Variants in FER1L5 observed in about 807,000 individuals in gnomAD.
FER1L5 encodes the protein fer-1-like protein 5.
In FER1L5, 187 loss-of-function variants were observed where a neutral mutation model predicts 279.9. That is an observed-to-expected ratio of 0.67 (90% CI 0.59 to 0.75). The LOEUF (loss-of-function observed/expected upper bound fraction) is 0.75. FER1L5 is among the 30% of genes least tolerant of loss of function. The probability of loss-of-function intolerance (pLI) is 0.00; values close to 1 mark genes in which losing one functional copy is unlikely to be tolerated. For missense variants in FER1L5, 2,091 were observed against 2,594.4 expected (o/e 0.81, Z 4.21); for synonymous variants, 921 against 989.7 (o/e 0.93, Z 1.30).
rs1027123880 is a variant in FER1L5 at position 96,689,472 on chromosome 2, C to G, written c.2525+96C>G. 13 of 1,517,414 alleles carry G rather than the reference C, an allele frequency of 8.6e-6. No individual in the cohort carries two copies. The African/African-American group carries it at 1.3e-4, about 15-fold the overall frequency. The allele number at this position is 1,517,414 out of a possible 1,614,324, so 94.0% of individuals were successfully genotyped here. On this transcript the variant is annotated intron_variant, in intron 25 of 52. Coordinates refer to ENST00000624922, the MANE Select transcript of FER1L5 (RefSeq NM_001293083.2). This position sits in a 1 kb window ranked among gnomAD's most constrained non-coding sequence, Gnocchi z 4.6. ...GAAAGATGGGTACCTAGCCCCTAAG[C>G]CTGGTGCCAGAGGGCCGAGGTGCAC...
intron 23 of FER1L5, 62 bp from the exon 24 acceptor site, chr2:96,687,754 G>A: frequency 6.5e-7 from 1 of 1,539,068 alleles, no homozygotes; most frequent in Non-Finnish European, 8.8e-7. Flanking sequence ...CACTTGGGGG[G>A]TGGCCGGGGT....
At chr2:96,654,970 A>T (rs1321934497) in intron 9 of FER1L5, 1 of 152,080 alleles carries the variant, frequency 6.6e-6, no homozygotes, top group African/African-American at 2.4e-5. Flanking sequence ...TGACTTAAAC[A>T]AGTTATTCTG....
intron 1 of FER1L5, among the ~76,000 whole-genome samples, chr2:96,644,261 G>A (rs538932906): frequency 1.3e-4 from 20 of 151,468 alleles, no homozygotes; most frequent in Admixed American, 1.3e-3. Flanking sequence ...GGCGGATCAC[G>A]AGGTCAGGAG....
In FER1L5 at chr2:96,702,371, G is replaced by A; in HGVS notation, c.5225G>A (p.Arg1742Lys). 6.2e-7 allele frequency: 1 copy of A among 1,612,920 alleles called. No individual in the cohort carries two copies. The highest frequency in any genetic ancestry group is 8.5e-7 in the Non-Finnish European group (1 of 1,179,552). Residue 1742 changes from arginine to lysine, a missense_variant, in exon 47 of 53, where the codon AGA (arginine) becomes AAA (lysine). Physicochemically the swap from Arg to Lys is conservative, Grantham distance 26. Transcript: ENST00000624922. The surrounding 1 kb of genome is among the most constrained non-coding windows in gnomAD (Gnocchi z 4.0). ...GACCTGGTGGATGACAATTTAAGTA[G>A]AGAGAAGACGAGCGACATCTACATC... is the stretch of plus-strand genomic sequence containing the variant. ...NVDLVDDNLS[R>K]EKTSDIYIKG...
intron 44 of FER1L5, 37 bp from the exon 45 acceptor site, chr2:96,700,295 C>G: frequency 6.2e-7 from 1 of 1,608,658 alleles, no homozygotes; most frequent in South Asian, 1.1e-5. Context: ...AGGCTAATGA[C>G]CTCGCAATCC....
rs1263378254 is a variant in FER1L5 at position 96,686,190 on chromosome 2, G to C, written c.2074-5G>C. ...GCAGGGCCTGACATTCTCCCACCTC[G>C]GCAGCCCCAGATGGGCCTCCCTGAC... On this transcript the variant is annotated splice_region_variant and splice_polypyrimidine_tract_variant and intron_variant, in intron 22 of 52. Transcript: ENST00000624922. 3 of 1,549,726 alleles carry C rather than the reference G, an allele frequency of 1.9e-6. No homozygotes were observed. Among genetic ancestry groups the C allele is most frequent in the Non-Finnish European group, 8.7e-7 (1 of 1,145,670 alleles).
At chr2:96,650,797 G>C (rs916817900) in intron 6 of FER1L5, among the ~76,000 whole-genome samples, 1 of 152,140 alleles carries the variant, frequency 6.6e-6, no homozygotes, top group Non-Finnish European at 1.5e-5. Context: ...CTGCTCCCCA[G>C]CCTGCTCCTC....
At chr2:96,665,136 G>A (rs1359467566) in intron 14 of FER1L5, among the ~76,000 whole-genome samples, 1 of 152,186 alleles carries the variant, frequency 6.6e-6, no homozygotes, top group Non-Finnish European at 1.5e-5. Context: ...AGAGCAGTGT[G>A]TAAAATAAGA....
At position 96,701,971 on chromosome 2, in the gene FER1L5, G is replaced by T. The variant is rs771790611; in HGVS notation, c.5087G>T (p.Trp1696Leu). ...PGIDQGKVQM[W>L]VDIFPKKLGP... ...CGGCTCTAGGGAAAGGTGCAAATGTGGGTGGACATCTTCCCCAAGAAGCTG... is the reference window on the plus strand; with the variant it reads ...CGGCTCTAGGGAAAGGTGCAAATGTTGGTGGACATCTTCCCCAAGAAGCTG... The change falls in exon 46 of 53, where the codon TGG (tryptophan) becomes TTG (leucine). Residue 1696 changes from tryptophan (W) to leucine (L), a missense_variant. Coordinates refer to ENST00000624922, the MANE Select transcript of FER1L5 (RefSeq NM_001293083.2). 2 of 1,613,938 alleles carry T rather than the reference G, an allele frequency of 1.2e-6. No homozygotes were observed. Among genetic ancestry groups the T allele is most frequent in the Non-Finnish European group, 1.7e-6 (2 of 1,179,876 alleles).
intron 14 of FER1L5, 118 bp from the exon 15 acceptor site, chr2:96,668,633 T>C (rs910293849): frequency 8.3e-6 from 10 of 1,208,884 alleles, no homozygotes; most frequent in African/African-American, 3.0e-5. Context: ...AGTGGCTCAC[T>C]GGTAACTGAG....
intron 34 of FER1L5, 117 bp from the exon 35 acceptor site, chr2:96,695,392 C>G (rs2077331889): frequency 3.0e-6 from 4 of 1,335,738 alleles, no homozygotes; most frequent in Non-Finnish European, 4.0e-6. Context: ...GCCCCATTCC[C>G]TGGCCCTGCA....
intron 39 of FER1L5, 113 bp from the exon 40 acceptor site, chr2:96,697,924 C>T: frequency 1.4e-6 from 2 of 1,477,962 alleles, no homozygotes; most frequent in Non-Finnish European, 1.8e-6. Flanking sequence ...AGTGCTGGCC[C>T]CAGGGCCGCT....
Position 96,694,136 on chromosome 2 carries a change from A to T in FER1L5, c.3636+64A>T, listed in dbSNP as rs1156891188. ...CAGTGCCCCTCCCCGTCCCACCCCC[A>T]GCCAGCGGGGGCCAACTCCACCCTG... is the stretch of plus-strand genomic sequence containing the variant. On this transcript the variant is annotated intron_variant, in intron 33 of 52. Transcript: ENST00000624922. The surrounding 1 kb of genome is among the most constrained non-coding windows in gnomAD (Gnocchi z 4.6). 2.0e-6 allele frequency: 3 copies of T among 1,482,632 alleles called. No homozygotes were observed. The highest frequency in any genetic ancestry group is 2.7e-6 in the Non-Finnish European group (3 of 1,117,792). The allele number at this position is 1,482,632 out of a possible 1,614,324, so 91.8% of individuals were successfully genotyped here. A position where few individuals can be genotyped will look rare whatever the true frequency, so the allele number is the denominator to read the frequency against.
In FER1L5 at chr2:96,691,689, C is replaced by A; in HGVS notation, c.3075+77C>A. Reference sequence around the variant, plus strand: ...AAGCCAGGGCCTGGCCTGGCTGGGGCGCTGACTGCGGAGGAAGGGCCTCTG... The same window carrying A: ...AAGCCAGGGCCTGGCCTGGCTGGGGAGCTGACTGCGGAGGAAGGGCCTCTG... On this transcript the variant is annotated intron_variant, in intron 29 of 52. Transcript: ENST00000624922. This position sits in a 1 kb window ranked among gnomAD's most constrained non-coding sequence, Gnocchi z 6.0. 6.5e-7 allele frequency: 1 copy of A among 1,532,310 alleles called. No individual in the cohort carries two copies. Among genetic ancestry groups the A allele is most frequent in the Non-Finnish European group, 8.8e-7 (1 of 1,136,572 alleles). 94.9% of individuals were successfully genotyped at this position (1,532,310 alleles called of 1,614,324 possible).
intron 7 of FER1L5, chr2:96,653,381 A>G (rs1001392994): frequency 2.9e-5 from 14 of 477,594 alleles, no homozygotes; most frequent in Non-Finnish European, 4.5e-5. Flanking sequence ...AGCATTCGTA[A>G]TAATGAAAAT....
chr2:96,699,743 G>A (rs2077522499), intron 43 of FER1L5, 23 bp downstream of exon 43: 2 of 1,612,554 alleles, frequency 1.2e-6, no homozygotes, highest in Admixed American at 3.3e-5. Context: ...CCGTCTGGGG[G>A]AAGGGAGTCA....
At chr2:96,660,798 C>G (rs2075925515) in intron 10 of FER1L5, among the ~76,000 whole-genome samples, 1 of 152,250 alleles carries the variant, frequency 6.6e-6, no homozygotes, top group African/African-American at 2.4e-5. Context: ...AGGTGATCCA[C>G]CCGCTTCAGC....
chr2:96,650,054 T>TGGGGCATGG (rs1386844198), intron 5 of FER1L5, 126 bp from the exon 6 acceptor site: 2 of 724,934 alleles, frequency 2.8e-6, no homozygotes, highest in African/African-American at 3.5e-5. Flanking sequence ...ATGTCACTGT[T>TGGGGCATGG]GGGGCCTCTT....
Position 96,688,034 on chromosome 2 carries a change from C to T in FER1L5, c.2361+87C>T, listed in dbSNP as rs2076998440. ...TCGTAGGGAAGAGATGGCCTCCCTGCAGGGGATTTGGCGTGAGAAGGGAGG... is the reference window on the plus strand; with the variant it reads ...TCGTAGGGAAGAGATGGCCTCCCTGTAGGGGATTTGGCGTGAGAAGGGAGG... On this transcript the variant is annotated intron_variant, in intron 24 of 52. Coordinates refer to ENST00000624922, the MANE Select transcript of FER1L5 (RefSeq NM_001293083.2). The T allele has an allele frequency of 2.3e-5, 34 of 1,507,682 alleles. No individual in the cohort carries two copies. In the South Asian group the frequency reaches 3.2e-4, roughly 14 times the overall value. The allele number at this position is 1,507,682 out of a possible 1,614,324, so 93.4% of individuals were successfully genotyped here.
Sources: gnomAD v4.1 joint callset for allele counts (sites outside exome capture counted in the v4.1 genomes callset) on GRCh38, gnomAD v4.1.1 for gene constraint, Gnocchi (gnomAD v3.1) non-coding constraint, MANE v1.5 for transcripts, NCBI Gene and HGNC (gene_info 2026-07-23, HGNC 2026-07-21) for gene names.